Variants in DMD observed in about 807,000 individuals in gnomAD.
DMD encodes mutant dystrophin.
A neutral mutation model predicts 330.1 loss-of-function variants in DMD; 63 were observed. The observed-to-expected ratio is 0.19, with a 90% CI of 0.16 to 0.24. The LOEUF (loss-of-function observed/expected upper bound fraction) is 0.24. Among genes scored for constraint, DMD ranks in the 10% least tolerant of loss-of-function variants. The pLI, the probability that DMD is intolerant of heterozygous loss-of-function variation, is 1.00. For synonymous variants in DMD, 1,223 were observed against 959.8 expected, an observed-to-expected ratio of 1.27 and a Z score of -5.07; for missense variants, 3,344 against 2,684.1, an observed-to-expected ratio of 1.25 and a Z score of -5.43.
intron 2 of DMD, among the ~76,000 whole-genome samples, chrX:32,990,302 T>G (rs1248827636): frequency 8.9e-6 from 1 of 111,984 alleles, no homozygotes; most frequent in Non-Finnish European, 1.9e-5. Flanking sequence ...ACCAACTCTT[T>G]TAAAAAGCTT....
At chrX:32,355,168 T>C (rs1158506709) in intron 37 of DMD, among the ~76,000 whole-genome samples, 1 of 111,669 alleles carries the variant, frequency 9.0e-6, no homozygotes, top group Non-Finnish European at 1.9e-5. Context: ...GAAATCACTG[T>C]ATTTGAAGTG....
intron 43 of DMD, among the ~76,000 whole-genome samples, chrX:32,240,002 T>C (rs902826550): frequency 8.9e-6 from 1 of 111,983 alleles, no homozygotes; most frequent in Non-Finnish European, 1.9e-5. Context: ...ATTGTTTTTT[T>C]CCCAATATTT....
intron 2 of DMD, among the ~76,000 whole-genome samples, chrX:32,891,777 A>G (rs994960793): frequency 1.0e-4 from 11 of 109,476 alleles, no homozygotes; most frequent in African/African-American, 3.6e-4. Flanking sequence ...GCAAAGATTA[A>G]TAGAAAACTG....
chrX:31,131,103 T>C (rs2034430194), intron 77 of DMD, among the ~76,000 whole-genome samples: 1 of 111,905 alleles, frequency 8.9e-6, no homozygotes, highest in Non-Finnish European at 1.9e-5. Flanking sequence ...ACATGGATGG[T>C]AGTGTTAGAA....
Position 31,867,149 on chromosome X carries a change from CTAAT to C in DMD, c.7098+8035_7098+8038del, listed in dbSNP as rs201236492. Among the ~76,000 whole-genome samples the C allele has an allele frequency of 3.7e-3, 395 of 106,994 alleles. 4 individuals are homozygous for C. The highest frequency in any genetic ancestry group is 0.013 in the African/African-American group (369 of 29,363). 92.9% of individuals were successfully genotyped at this position (106,994 alleles called of 115,157 possible). Reference sequence around the variant, plus strand: ...TTGCAAAACAATTATTTCGGTCAAACTAATTAACATTTTCATCTTTTCTATTGGT... The same window carrying C: ...TTGCAAAACAATTATTTCGGTCAAACTAACATTTTCATCTTTTCTATTGGT... On this transcript the variant is annotated intron_variant, in intron 48 of 78. Transcript: ENST00000357033.
intron 16 of DMD, among the ~76,000 whole-genome samples, 155 bp from the exon 17 acceptor site, chrX:32,545,489 T>G (rs2048879571): frequency 8.9e-6 from 1 of 111,935 alleles, no homozygotes; most frequent in African/African-American, 3.2e-5. Flanking sequence ...CAAATAAAAT[T>G]GTTTTATCTG....
intron 17 of DMD, among the ~76,000 whole-genome samples, chrX:32,535,638 G>T (rs141811268): frequency 9.0e-6 from 1 of 111,171 alleles, no homozygotes. Flanking sequence ...GCTTCCTTAC[G>T]TTACTAGTGC....
intron 1 of DMD, chrX:33,128,296 A>G (rs2148522310): frequency 9.5e-7 from 1 of 1,051,279 alleles, no homozygotes; most frequent in Admixed American, 3.7e-5. Context: ...CCAAGCACAG[A>G]TAAAGCAGGC....
intron 2 of DMD, among the ~76,000 whole-genome samples, chrX:32,863,525 AG>A (rs2082236981): frequency 2.8e-5 from 2 of 72,107 alleles, no homozygotes; most frequent in African/African-American, 7.4e-5. Flanking sequence ...AAAAAAAAAA[AG>A]ATTGTGTTTA....
chrX:31,609,849 T>C (rs1021625657), intron 55 of DMD, among the ~76,000 whole-genome samples: 1 of 111,673 alleles, frequency 9.0e-6, no homozygotes, highest in African/African-American at 3.3e-5. Context: ...AATGCTGACA[T>C]GACTTCTGTC....
intron 11 of DMD, among the ~76,000 whole-genome samples, chrX:32,620,909 TAA>T (rs763035741): frequency 1.8e-5 from 2 of 111,977 alleles, no homozygotes; most frequent in South Asian, 3.8e-4. Flanking sequence ...ACACACAGCC[TAA>T]GAGTTGAGAC....
chrX:32,198,699 G>A (rs149187736), intron 44 of DMD, among the ~76,000 whole-genome samples: 3,576 of 111,395 alleles, frequency 0.032, 132 homozygotes, highest in African/African-American at 0.11. Context: ...AAAACCTACC[G>A]TGAGTTCACT....
At chrX:32,253,027 A>G (rs1251303525) in intron 43 of DMD, among the ~76,000 whole-genome samples, 1 of 98,714 alleles carries the variant, frequency 1.0e-5, no homozygotes, top group East Asian at 3.1e-4. Flanking sequence ...TTCCCGATCG[A>G]TTAAGTATTG....
intron 47 of DMD, among the ~76,000 whole-genome samples, chrX:31,892,443 T>C (rs1345810174): frequency 9.1e-6 from 1 of 109,536 alleles, no homozygotes; most frequent in East Asian, 2.9e-4. Flanking sequence ...GTAAAATACA[T>C]ATTGGATTCC....
At chrX:32,246,948 G>T (rs1184769376) in intron 43 of DMD, among the ~76,000 whole-genome samples, 1 of 110,742 alleles carries the variant, frequency 9.0e-6, no homozygotes, top group Non-Finnish European at 1.9e-5. Flanking sequence ...GAAGCTAAAT[G>T]CACACACACC....
rs752901073 is a variant in DMD at position 32,699,096 on chromosome X, C to T, written c.831+16G>A. 1.7e-6 allele frequency: 2 copies of T among 1,198,141 alleles called. No homozygotes were observed. The highest frequency in any genetic ancestry group is 1.8e-5 in the South Asian group (1 of 56,656). ...AGAAAACATCTTGAATAGTAGCTGT[C>T]CTTTACACACTTTACCTGTTGAGAA... On this transcript the variant is annotated intron_variant, in intron 8 of 78. Coordinates refer to ENST00000357033, the MANE Select transcript of DMD (RefSeq NM_004006.3).
intron 27 of DMD, among the ~76,000 whole-genome samples, chrX:32,445,681 G>T (rs908309016): frequency 9.1e-6 from 1 of 110,404 alleles, no homozygotes; most frequent in Non-Finnish European, 1.9e-5. Flanking sequence ...AAATAAGACG[G>T]TGTCATGTTT....
intron 9 of DMD, among the ~76,000 whole-genome samples, chrX:32,689,527 A>T (rs2063119626): frequency 9.0e-6 from 1 of 111,570 alleles, no homozygotes; most frequent in Admixed American, 9.6e-5. Flanking sequence ...AACTCTTTGA[A>T]AAAACTGAAG....
chrX:31,722,813 A>C (rs982396769), intron 52 of DMD, among the ~76,000 whole-genome samples: 65 of 110,400 alleles, frequency 5.9e-4, no homozygotes, highest in Middle Eastern at 4.6e-3. Context: ...TGGGAGGCCG[A>C]GGCGGGTGGA....
Sources: allele counts gnomAD v4.1 joint callset (sites outside exome capture counted in the v4.1 genomes callset), GRCh38; gene constraint gnomAD v4.1.1; transcripts MANE v1.5; gene names NCBI Gene and HGNC (gene_info 2026-07-23, HGNC 2026-07-21).